The following NTRK3 variants were observed in gnomAD, a reference collection of about 807,000 sequenced individuals.
NTRK3 encodes the protein NT-3 growth factor receptor.
NTRK3 carries 24 observed loss-of-function variants against 91.7 expected under a neutral mutation model. The observed-to-expected ratio is 0.26, with a 90% CI of 0.19 to 0.37. The LOEUF (loss-of-function observed/expected upper bound fraction) is 0.37. Among genes scored for constraint, NTRK3 ranks in the 10% least tolerant of loss-of-function variants. NTRK3 has a pLI of 1.00. For synonymous variants in NTRK3, 483 were observed against 404.0 expected, an observed-to-expected ratio of 1.20 and a Z score of -2.34; for missense variants, 880 against 1,068.9, an observed-to-expected ratio of 0.82 and a Z score of 2.46.
At position 88,147,274 on chromosome 15, in the gene NTRK3, C is replaced by G. The variant is rs1597596788; in HGVS notation, c.464+61G>C. ...TCAGGTGGTTCCACTGCTTGACACT[C>G]CTCCCCATCCACCCATTACCAGCAC... On this transcript the variant is annotated intron_variant, in intron 6 of 18. Coordinates refer to ENST00000394480, the Ensembl canonical transcript of NTRK3. The G allele has an allele frequency of 2.7e-6, 4 of 1,486,390 alleles. No individual in the cohort carries two copies. The East Asian group carries it at 9.1e-5, about 34-fold the overall frequency. The allele number at this position is 1,486,390 out of a possible 1,614,324, so 92.1% of individuals were successfully genotyped here. A position where few individuals can be genotyped will look rare whatever the true frequency, so the allele number is the denominator to read the frequency against.
chr15:88,207,798 A>T (rs1442458502), intron 3 of NTRK3, among the ~76,000 whole-genome samples: 2 of 152,294 alleles, frequency 1.3e-5, no homozygotes, highest in East Asian at 1.9e-4. Flanking sequence ...CCAGGGCCAG[A>T]TGTGCTCAGC....
chr15:88,138,458 T>C (rs1372528898), intron 6 of NTRK3, among the ~76,000 whole-genome samples: 1 of 152,146 alleles, frequency 6.6e-6, no homozygotes, highest in Non-Finnish European at 1.5e-5. Flanking sequence ...GCTCCTCTTC[T>C]TAAAACCCTC....
intron 18 of NTRK3, among the ~76,000 whole-genome samples, chr15:87,878,953 G>T (rs2065090998): frequency 7.5e-6 from 1 of 132,552 alleles, no homozygotes; most frequent in African/African-American, 2.8e-5. Context: ...GTGTGTGTGT[G>T]TTCCTAACCC....
At chr15:88,020,012 T>C (rs1353485373) in intron 14 of NTRK3, among the ~76,000 whole-genome samples, 1 of 152,174 alleles carries the variant, frequency 6.6e-6, no homozygotes. Flanking sequence ...GGCTGTGCAC[T>C]CATGTCTAAG....
chr15:88,101,569 T>A (rs936695600), intron 13 of NTRK3, among the ~76,000 whole-genome samples: 1 of 152,222 alleles, frequency 6.6e-6, no homozygotes, highest in Non-Finnish European at 1.5e-5. Context: ...CATGCACTCG[T>A]ATGTTTATCG....
At position 88,241,337 on chromosome 15, in the gene NTRK3, C is replaced by T. The variant is rs1013308949; in HGVS notation, c.248+14569G>A. On this transcript the variant is annotated intron_variant, in intron 3 of 18. Transcript: ENST00000394480. This position sits in a 1 kb window ranked among gnomAD's most constrained non-coding sequence, Gnocchi z 4.3. ...TCCTGAGTGAGTGACAGAAGGAGGGCAGGGGGATGTCAGTCACCTGGATGG... is the reference window on the plus strand; with the variant it reads ...TCCTGAGTGAGTGACAGAAGGAGGGTAGGGGGATGTCAGTCACCTGGATGG... Among the ~76,000 whole-genome samples the T allele has an allele frequency of 3.9e-5, 6 of 152,090 alleles. No individual in the cohort carries two copies. The highest frequency in any genetic ancestry group is 9.7e-5 in the African/African-American group (4 of 41,408).
chr15:88,253,878 T>C (rs577258790), intron 3 of NTRK3, among the ~76,000 whole-genome samples: 1 of 152,256 alleles, frequency 6.6e-6, no homozygotes, highest in East Asian at 1.9e-4. Flanking sequence ...CACAGACCTT[T>C]CTGGCAGCCT....
chr15:87,978,719 C>G (rs1043752138), intron 14 of NTRK3: 1 of 233,064 alleles, frequency 4.3e-6, no homozygotes, highest in Admixed American at 5.6e-5. Flanking sequence ...ATTTTTCCAC[C>G]GAAAATAAAA....
chr15:88,027,602 T>C (rs1007214856), intron 14 of NTRK3, among the ~76,000 whole-genome samples: 1 of 152,170 alleles, frequency 6.6e-6, no homozygotes, highest in Non-Finnish European at 1.5e-5. Flanking sequence ...CAGGATGGTC[T>C]CGATCTCTGG....
At position 88,255,474 on chromosome 15, in the gene NTRK3, G is replaced by A. The variant is rs1322893507; in HGVS notation, c.248+432C>T. On this transcript the variant is annotated intron_variant, in intron 3 of 18. Transcript: ENST00000394480. This position sits in a 1 kb window ranked among gnomAD's most constrained non-coding sequence, Gnocchi z 4.3. ...CTGTCACCTTCCCTGCCGGCTAAGC[G>A]CTGCCGCCGCTGCCACCGCCGCTGC... 1.3e-5 allele frequency among the ~76,000 whole-genome samples: 2 copies of A among 152,152 alleles called. No homozygotes were observed. Among genetic ancestry groups the A allele is most frequent in the Admixed American group, 1.3e-4 (2 of 15,280 alleles).
At chr15:87,965,068 TA>T (rs1315021231) in intron 14 of NTRK3, among the ~76,000 whole-genome samples, 1 of 152,196 alleles carries the variant, frequency 6.6e-6, no homozygotes. Flanking sequence ...ATCTTATTTT[TA>T]AAAAAAGGTA....
chr15:88,032,818 C>G, intron 14 of NTRK3, 39 bp downstream of exon 14: 1 of 1,611,526 alleles, frequency 6.2e-7, no homozygotes, highest in Non-Finnish European at 8.5e-7. Flanking sequence ...AACCACCCTC[C>G]CCTCCCCAGG....
intron 17 of NTRK3, among the ~76,000 whole-genome samples, chr15:87,907,235 TGAGAA>T (rs985776601): frequency 6.6e-6 from 1 of 152,220 alleles, no homozygotes; most frequent in Non-Finnish European, 1.5e-5. Flanking sequence ...TTTAAAAGCA[TGAGAA>T]GAGATTGATT....
chr15:87,866,773 C>T (rs1467622005), exon 19 of NTRK3: 3 of 192,354 alleles, frequency 1.6e-5, no homozygotes, highest in Non-Finnish European at 3.3e-5. Flanking sequence ...TCTCTGGTGC[C>T]ATCACAGAAA....
chr15:88,238,484 A>G (rs2052015805), intron 3 of NTRK3, among the ~76,000 whole-genome samples: 1 of 152,144 alleles, frequency 6.6e-6, no homozygotes, highest in Non-Finnish European at 1.5e-5. Flanking sequence ...ATTACAGGTA[A>G]AGTTAAGAGC....
intron 14 of NTRK3, among the ~76,000 whole-genome samples, chr15:87,987,455 C>T (rs1490533372): frequency 6.6e-6 from 1 of 151,790 alleles, no homozygotes; most frequent in Non-Finnish European, 1.5e-5. Context: ...TGTATCCTTT[C>T]CTCATTTTCT....
chr15:88,179,111 T>C (rs1006030782), intron 5 of NTRK3, among the ~76,000 whole-genome samples: 3 of 152,228 alleles, frequency 2.0e-5, no homozygotes, highest in Non-Finnish European at 4.4e-5. Flanking sequence ...TTAGAGTTAC[T>C]GTGGGGAGTA....
chr15:88,218,683 C>A (rs1318812422), intron 3 of NTRK3, among the ~76,000 whole-genome samples: 1 of 152,220 alleles, frequency 6.6e-6, no homozygotes, highest in Non-Finnish European at 1.5e-5. Flanking sequence ...TCCCTAGGCA[C>A]AAGTGACTCT....
intron 14 of NTRK3, among the ~76,000 whole-genome samples, chr15:87,975,537 G>C (rs991653538): frequency 2.0e-5 from 3 of 152,302 alleles, no homozygotes; most frequent in Middle Eastern, 3.4e-3. Context: ...GGTTCCCTGA[G>C]CCACCCTAAG....
Sources: allele counts gnomAD v4.1 joint callset (sites outside exome capture counted in the v4.1 genomes callset), GRCh38; gene constraint gnomAD v4.1.1; non-coding constraint Gnocchi (gnomAD v3.1); transcripts MANE v1.5; gene names NCBI Gene and HGNC (gene_info 2026-07-23, HGNC 2026-07-21).